The following LAMA2 variants were observed in gnomAD, a reference collection of about 807,000 sequenced individuals.
The protein encoded by LAMA2 is laminin subunit alpha-2.
Under a neutral mutation model 364.8 loss-of-function variants are expected in LAMA2, and 269 were observed. The observed-to-expected ratio is 0.74, with a 90% CI of 0.67 to 0.82. The LOEUF is 0.82. LAMA2 is among the 40% of genes least tolerant of loss of function. The probability of loss-of-function intolerance (pLI) is 0.00; values close to 1 mark genes in which losing one functional copy is unlikely to be tolerated. For missense variants in LAMA2, 3,807 were observed against 3,873.2 expected, an observed-to-expected ratio of 0.98 and a Z score of 0.45; for synonymous variants, 1,379 against 1,370.6, an observed-to-expected ratio of 1.01 and a Z score of -0.14.
chr6:129,102,361 T>A (rs1268127600), intron 4 of LAMA2, among the ~76,000 whole-genome samples: 1 of 152,032 alleles, frequency 6.6e-6, no homozygotes, highest in Non-Finnish European at 1.5e-5. Flanking sequence ...GGTCTCGATC[T>A]CTTGACCTCA....
intron 7 of LAMA2, 117 bp downstream of exon 7, chr6:129,149,213 A>G: frequency 1.3e-6 from 1 of 750,386 alleles, no homozygotes; most frequent in South Asian, 1.4e-5. Context: ...ACTCATTTAT[A>G]TTATCACTTC....
At chr6:129,135,111 C>T (rs374887852) in intron 4 of LAMA2, among the ~76,000 whole-genome samples, 7 of 152,124 alleles carry the variant, frequency 4.6e-5, no homozygotes, top group African/African-American at 1.7e-4. Context: ...TCATCCAACA[C>T]AAATTCATGA....
rs113873356 is a variant in LAMA2 at position 128,935,097 on chromosome 6, G to A, written c.112+51740G>A. Among the ~76,000 whole-genome samples, 65 of 152,070 alleles carry A rather than the reference G, an allele frequency of 4.3e-4. 1 individual carries two copies. The highest frequency in any genetic ancestry group is 1.5e-3 in the African/African-American group (61 of 41,468). The stretch of plus-strand genomic sequence containing the variant: ...TTATTATTATACTTTGAGTTCTAGG[G>A]TACTTGTGCACAATGTGCAGGTTTG... On this transcript the variant is annotated intron_variant, in intron 1 of 64. Transcript: ENST00000421865.
intron 4 of LAMA2, among the ~76,000 whole-genome samples, chr6:129,139,682 T>G (rs1778002682): frequency 6.6e-6 from 1 of 152,066 alleles, no homozygotes; most frequent in African/African-American, 2.4e-5. Context: ...AGGCTTGTTT[T>G]TGTTATTTCT....
intron 31 of LAMA2, 96 bp from the exon 32 acceptor site, chr6:129,353,068 A>G: frequency 3.5e-6 from 3 of 852,892 alleles, no homozygotes; most frequent in Admixed American, 4.8e-5. Context: ...GACTCTTGCT[A>G]TCAGTTTTGT....
At position 129,473,206 on chromosome 6, in the gene LAMA2, C is replaced by T; in HGVS notation, c.7301-8C>T. The stretch of plus-strand genomic sequence containing the variant: ...AATAAAATGTTAAACTTTCTTTCTC[C>T]TTTACAGCCAATATATCAATTGTAG... On this transcript the variant is annotated splice_polypyrimidine_tract_variant and splice_region_variant and intron_variant, in intron 51 of 64. Transcript: ENST00000421865. 6.3e-7 allele frequency: 1 copy of T among 1,581,212 alleles called. No individual in the cohort carries two copies. Among genetic ancestry groups the T allele is most frequent in the Non-Finnish European group, 8.7e-7 (1 of 1,151,390 alleles).
rs576978298 is a variant in LAMA2 at position 129,106,436 on chromosome 6, C to T, written c.639+8021C>T. On this transcript the variant is annotated intron_variant, in intron 4 of 64. Transcript: ENST00000421865. ...GAGGGAATGGAAATGAAGACCTAGC[C>T]TTTCTCAATTACCCTTGCAATTGTT... Among the ~76,000 whole-genome samples, 8 of 152,238 alleles carry T rather than the reference C, an allele frequency of 5.3e-5. 1 individual carries two copies. Among genetic ancestry groups the T allele is most frequent in the African/African-American group, 1.7e-4 (7 of 41,540 alleles).
At chr6:129,381,008 T>A (rs1330046427) in intron 34 of LAMA2, among the ~76,000 whole-genome samples, 2 of 152,226 alleles carry the variant, frequency 1.3e-5, no homozygotes, top group African/African-American at 4.8e-5. Context: ...TACATTTACT[T>A]TTTAAAATTT....
At chr6:129,486,710 CTG>C in intron 56 of LAMA2, 88 bp downstream of exon 56, 5 of 1,228,442 alleles carry the variant, frequency 4.1e-6, no homozygotes, top group Non-Finnish European at 4.8e-6. Flanking sequence ...GCCTGAACCT[CTG>C]TGTGTGTGGA....
rs140356960 is a variant in LAMA2 at position 129,409,228 on chromosome 6, T to C, written c.5865+5269T>C. On this transcript the variant is annotated intron_variant, in intron 40 of 64. Transcript: ENST00000421865. Reference sequence around the variant, plus strand: ...GCTGTAGTGCTGCAGCTGTCCACTTTTGGGTGCTACCTGCATATCTTGCAG... The same window carrying C: ...GCTGTAGTGCTGCAGCTGTCCACTTCTGGGTGCTACCTGCATATCTTGCAG... Among the ~76,000 whole-genome samples the C allele has an allele frequency of 4.2e-3, 640 of 152,286 alleles. 7 individuals carry two copies. The highest frequency in any genetic ancestry group is 0.015 in the African/African-American group (616 of 41,550).
chr6:129,035,281 TTTTTCTTTTC>T (rs200142123), intron 1 of LAMA2, among the ~76,000 whole-genome samples: 2 of 145,326 alleles, frequency 1.4e-5, no homozygotes, highest in African/African-American at 2.8e-5. Context: ...CTTGTATGTC[TTTTTCTTTTC>T]TTTTCTTTTC....
chr6:129,274,050 TAGAA>T (rs1182348809), intron 17 of LAMA2, among the ~76,000 whole-genome samples: 3 of 151,908 alleles, frequency 2.0e-5, no homozygotes, highest in Non-Finnish European at 4.4e-5. Flanking sequence ...TTTTAACAAG[TAGAA>T]AGAGAGGGCA....
chr6:129,228,389 G>C (rs1784464696), intron 12 of LAMA2, among the ~76,000 whole-genome samples: 1 of 152,130 alleles, frequency 6.6e-6, no homozygotes, highest in South Asian at 2.1e-4. Context: ...ACCTCAATTG[G>C]AAATGTGGAA....
At chr6:129,268,770 A>G (rs1787708735) in intron 16 of LAMA2, among the ~76,000 whole-genome samples, 1 of 152,106 alleles carries the variant, frequency 6.6e-6, no homozygotes, top group Non-Finnish European at 1.5e-5. Flanking sequence ...GGACATCTTG[A>G]TGATAAAGAC....
chr6:129,200,504 A>ATG (rs1212755759), intron 12 of LAMA2, among the ~76,000 whole-genome samples: 1 of 151,096 alleles, frequency 6.6e-6, no homozygotes, highest in East Asian at 1.9e-4. Flanking sequence ...ACACATATAT[A>ATG]TGTGTGTGTA....
At chr6:129,364,212 T>C (rs796189709) in intron 32 of LAMA2, among the ~76,000 whole-genome samples, 7 of 152,204 alleles carry the variant, frequency 4.6e-5, no homozygotes, top group African/African-American at 1.7e-4. Flanking sequence ...CTCTAGCTGC[T>C]GTCCTATCAA....
chr6:129,025,519 G>C (rs574342840), intron 1 of LAMA2, among the ~76,000 whole-genome samples: 1 of 152,188 alleles, frequency 6.6e-6, no homozygotes, highest in South Asian at 2.1e-4. Flanking sequence ...CTTTTTCATC[G>C]ATAGCTTTAT....
intron 1 of LAMA2, among the ~76,000 whole-genome samples, chr6:128,948,893 T>C (rs759482499): frequency 6.6e-6 from 1 of 152,188 alleles, no homozygotes; most frequent in Non-Finnish European, 1.5e-5. Context: ...ATGGTTCCTG[T>C]ACAGCCTGCA....
chr6:129,423,351 C>A (rs1781172844), intron 40 of LAMA2, among the ~76,000 whole-genome samples: 2 of 151,870 alleles, frequency 1.3e-5, no homozygotes, highest in African/African-American at 4.8e-5. Flanking sequence ...TAAATGGCAT[C>A]CAGATTGAAA....
Sources: gnomAD v4.1 joint callset for allele counts (sites outside exome capture counted in the v4.1 genomes callset) on GRCh38, gnomAD v4.1.1 for gene constraint, MANE v1.5 for transcripts, NCBI Gene and HGNC (gene_info 2026-07-23, HGNC 2026-07-21) for gene names.